FBN1: variants seen among roughly 807,000 people sequenced by gnomAD.
FBN1 encodes the protein fibrillin-1.
FBN1 carries 29 observed loss-of-function variants against 365.1 expected under a neutral mutation model. The ratio of observed to expected loss-of-function variants is 0.08; its 90% confidence interval spans 0.06 to 0.11. The LOEUF (loss-of-function observed/expected upper bound fraction) is 0.11, where lower values mean the gene tolerates loss of function less well. Ranked by LOEUF, FBN1 falls within the 10% of genes least tolerant of loss-of-function variation. The pLI, the probability that FBN1 is intolerant of heterozygous loss-of-function variation, is 1.00. For missense variants in FBN1, 2,476 were observed against 3,703.2 expected, an observed-to-expected ratio of 0.67 and a Z score of 8.60; for synonymous variants, 1,210 against 1,270.5, an observed-to-expected ratio of 0.95 and a Z score of 1.01.
At position 48,444,739 on chromosome 15, in the gene FBN1, A is replaced by G. The variant is rs549063522; in HGVS notation, c.5918-79T>C. The G allele has an allele frequency of 8.1e-6, 12 of 1,479,052 alleles. No individual in the cohort carries two copies. The East Asian group carries it at 2.5e-4, about 31-fold the overall frequency. 91.6% of individuals were successfully genotyped at this position (1,479,052 alleles called of 1,614,324 possible). ...CAAACAATTAAAATTCAAAAAAACT[A>G]GAATGAATCAAAGAAATACATAAAG... On this transcript the variant is annotated intron_variant, in intron 48 of 65. Transcript: ENST00000316623.
At chr15:48,499,142 A>C in intron 17 of FBN1, 104 bp from the exon 18 acceptor site, 1 of 1,142,216 alleles carries the variant, frequency 8.8e-7, no homozygotes, top group Non-Finnish European at 1.3e-6. Context: ...AGTAGAACCA[A>C]ACTTAAGTGG....
chr15:48,536,229 C>A (rs2044012814), intron 7 of FBN1, among the ~76,000 whole-genome samples: 1 of 152,142 alleles, frequency 6.6e-6, no homozygotes, highest in African/African-American at 2.4e-5. Context: ...TTATAAAAAA[C>A]ATTTTTTTTC....
intron 53 of FBN1, among the ~76,000 whole-genome samples, chr15:48,435,760 ATATATGTGTATATG>A: frequency 1.8e-5 from 1 of 56,834 alleles, no homozygotes; most frequent in Non-Finnish European, 3.7e-5. Context: ...ATGTGTGTAT[ATATATGTGTATATG>A]TGTGTGTGTG....
intron 6 of FBN1, among the ~76,000 whole-genome samples, chr15:48,560,416 A>G (rs564676055): frequency 2.0e-5 from 3 of 152,310 alleles, no homozygotes; most frequent in African/African-American, 7.2e-5. Context: ...TAAATGTGAT[A>G]ATACGTAACA....
rs1397506184 is a variant in FBN1 at position 48,489,810 on chromosome 15, A to G, written c.3082+41T>C. On this transcript the variant is annotated intron_variant, in intron 25 of 65. Transcript: ENST00000316623. ...TCATGAAAATGCATCCTATTTGTCT[A>G]AAAAGGGAGGCAATTGGCCATGGAA... is the stretch of plus-strand genomic sequence containing the variant. 2.0e-6 allele frequency: 3 copies of G among 1,518,280 alleles called. No homozygotes were observed. The African/African-American group carries it at 4.1e-5, about 21-fold the overall frequency. The allele number at this position is 1,518,280 out of a possible 1,614,324, so 94.1% of individuals were successfully genotyped here.
chr15:48,492,588 T>C lies in FBN1; in HGVS notation c.2729-2A>G, dbSNP rs113813525. On this transcript the variant is annotated splice_acceptor_variant, in intron 23 of 65. Transcript: ENST00000316623. LOFTEE classifies it high-confidence loss of function. Reference sequence around the variant, plus strand: ...GGAACACTTCACATTCATCTATATCTAAAAAGAAAAAAAAAGTATAAAGTT... The same window carrying C: ...GGAACACTTCACATTCATCTATATCCAAAAAGAAAAAAAAAGTATAAAGTT... 1 of 1,592,142 alleles carries C rather than the reference T, an allele frequency of 6.3e-7. No individual in the cohort carries two copies. The highest frequency in any genetic ancestry group is 8.6e-7 in the Non-Finnish European group (1 of 1,162,762).
intron 10 of FBN1, among the ~76,000 whole-genome samples, chr15:48,519,643 G>A (rs1597583278): frequency 6.6e-6 from 1 of 152,162 alleles, no homozygotes; most frequent in Non-Finnish European, 1.5e-5. Context: ...TATATAACAG[G>A]CAAGGATGGC....
chr15:48,422,103 G>A, intron 60 of FBN1, 35 bp from the exon 61 acceptor site: 1 of 1,465,220 alleles, frequency 6.8e-7, no homozygotes, highest in South Asian at 1.1e-5. Context: ...TTTGAGTCAA[G>A]CCAACAAAAC....
chr15:48,625,905 TAACAC>T (rs1889866682), intron 2 of FBN1, among the ~76,000 whole-genome samples: 1 of 152,174 alleles, frequency 6.6e-6, no homozygotes, highest in African/African-American at 2.4e-5. Flanking sequence ...TCCCAGCACC[TAACAC>T]AATACTTGAA....
At chr15:48,588,454 C>T (rs2044452491) in intron 6 of FBN1, among the ~76,000 whole-genome samples, 1 of 151,660 alleles carries the variant, frequency 6.6e-6, no homozygotes, top group Non-Finnish European at 1.5e-5. Flanking sequence ...GGGCTAACGA[C>T]ATATAAAAAT....
At chr15:48,442,794 CCTGA>C (rs1791470280) in intron 49 of FBN1, among the ~76,000 whole-genome samples, 1 of 152,216 alleles carries the variant, frequency 6.6e-6, no homozygotes, top group Non-Finnish European at 1.5e-5. Flanking sequence ...TATCTTTCCT[CCTGA>C]CTTTCAGCAG....
At chr15:48,482,507 C>T (rs931844891) in intron 31 of FBN1, among the ~76,000 whole-genome samples, 2 of 152,048 alleles carry the variant, frequency 1.3e-5, no homozygotes, top group Admixed American at 1.3e-4. Flanking sequence ...CTACAATTGC[C>T]CGAGATTACT....
chr15:48,458,583 G>A (rs919714446), intron 43 of FBN1, among the ~76,000 whole-genome samples: 10 of 152,044 alleles, frequency 6.6e-5, no homozygotes, highest in African/African-American at 1.9e-4. Context: ...ATTCACATTC[G>A]TTTTAAATAT....
chr15:48,585,992 AG>A (rs2044432527), intron 6 of FBN1, among the ~76,000 whole-genome samples: 1 of 152,238 alleles, frequency 6.6e-6, no homozygotes, highest in Non-Finnish European at 1.5e-5. Context: ...TTATGCTGAT[AG>A]AAGTATTTCA....
Position 48,497,304 on chromosome 15 carries a change from G to A in FBN1, c.2255C>T (p.Ser752Leu). The A allele has an allele frequency of 6.2e-7, 1 of 1,613,892 alleles. No individual in the cohort carries two copies. The highest frequency in any genetic ancestry group is 8.5e-7 in the Non-Finnish European group (1 of 1,179,918). Residue 752 changes from serine to leucine, a missense_variant, in exon 19 of 66, where the codon TCA (serine) becomes TTA (leucine). This residue lies in a region of FBN1 where 1,780 missense variants were observed against 2,840.8 expected (regional missense o/e 0.63). Coordinates refer to ENST00000316623, the MANE Select transcript of FBN1 (RefSeq NM_000138.5). ...CCCAGTTGAATCCACTTCATATCCT[G>A]AATTGCATATACATTTATAGGTCCC... ...LRGTYKCICN[S>L]GYEVDSTGKN...
At chr15:48,590,206 A>T (rs1200079466) in intron 6 of FBN1, among the ~76,000 whole-genome samples, 3 of 152,228 alleles carry the variant, frequency 2.0e-5, no homozygotes, top group African/African-American at 7.2e-5. Flanking sequence ...ATGAATCTGT[A>T]TTTTATTAAT....
In FBN1 at chr15:48,511,424, CT is replaced by C. The variant is rs766476244; in HGVS notation, c.1589-1256del. 7.5e-3 allele frequency among the ~76,000 whole-genome samples: 1,098 copies of C among 146,122 alleles called. 14 individuals are homozygous for C. Among genetic ancestry groups the C allele is most frequent in the African/African-American group, 0.025 (995 of 40,132 alleles). ...TAAAAACCACATATTCTTGAGCAGA[CT>C]TTTTTTTTTTAAGGATCCCATAATT... On this transcript the variant is annotated intron_variant, in intron 13 of 65. Coordinates refer to ENST00000316623, the MANE Select transcript of FBN1 (RefSeq NM_000138.5).
At chr15:48,597,134 C>A (rs1208828638) in intron 5 of FBN1, among the ~76,000 whole-genome samples, 1 of 152,178 alleles carries the variant, frequency 6.6e-6, no homozygotes, top group African/African-American at 2.4e-5. Flanking sequence ...TCTTACTGCT[C>A]CATGAGGCTC....
At chr15:48,524,194 A>G (rs2043887310) in intron 9 of FBN1, among the ~76,000 whole-genome samples, 1 of 152,180 alleles carries the variant, frequency 6.6e-6, no homozygotes, top group South Asian at 2.1e-4. Context: ...AAGATCACAG[A>G]ACAAGAAATA....
Sources: gnomAD v4.1 joint callset for allele counts (sites outside exome capture counted in the v4.1 genomes callset) on GRCh38, gnomAD v4.1.1 for gene constraint, gnomAD v4.1.1 regional missense constraint, MANE v1.5 for transcripts, NCBI Gene and HGNC (gene_info 2026-07-23, HGNC 2026-07-21) for gene names.